DENND2C: variants seen among roughly 807,000 people sequenced by gnomAD.
DENND2C encodes the protein DENN domain containing 2C.
In DENND2C, 72 loss-of-function variants were observed where a neutral mutation model predicts 112.4. That is an observed-to-expected ratio of 0.64 (90% confidence interval 0.53 to 0.78). DENND2C has a LOEUF of 0.78. Ranked by LOEUF, DENND2C falls within the 30% of genes least tolerant of loss-of-function variation. The pLI is 0.00. For missense variants in DENND2C, 992 were observed against 1,113.8 expected (o/e 0.89, Z 1.56); for synonymous variants, 329 against 381.6 (o/e 0.86, Z 1.61).
At chr1:114,638,370 T>G (rs1454591364) in intron 3 of DENND2C, among the ~76,000 whole-genome samples, 1 of 152,160 alleles carries the variant, frequency 6.6e-6, no homozygotes, top group Non-Finnish European at 1.5e-5. Flanking sequence ...AAAAGATGTC[T>G]TAGGACACAA....
At chr1:114,647,423 C>T (rs1657025236) in intron 2 of DENND2C, among the ~76,000 whole-genome samples, 1 of 151,858 alleles carries the variant, frequency 6.6e-6, no homozygotes, top group South Asian at 2.1e-4. Context: ...TCTCGACTCC[C>T]TGCAACCTCT....
intron 3 of DENND2C, among the ~76,000 whole-genome samples, chr1:114,634,517 A>G (rs180687702): frequency 6.6e-6 from 1 of 152,230 alleles, no homozygotes; most frequent in African/African-American, 2.4e-5. Flanking sequence ...TGTGCATGAA[A>G]CATTCACCAA....
Position 114,593,097 on chromosome 1 carries a change from T to C in DENND2C, c.2431+1376A>G, listed in dbSNP as rs373728280. On this transcript the variant is annotated intron_variant, in intron 18 of 20. Transcript: ENST00000393274. ...ATCCTCCTGCCTTGGCCTCCCAAAG[T>C]GCTGGGATTACAGGTGTGAGCCACT... is the stretch of plus-strand genomic sequence containing the variant. Among the ~76,000 whole-genome samples, 62 of 152,236 alleles carry C rather than the reference T, an allele frequency of 4.1e-4. 3 individuals are homozygous for C. In the East Asian group the frequency reaches 9.9e-3, roughly 24 times the overall value.
chr1:114,653,116 C>CTT (rs368434521), intron 2 of DENND2C, among the ~76,000 whole-genome samples: 1 of 148,778 alleles, frequency 6.7e-6, no homozygotes, highest in Admixed American at 6.7e-5. Context: ...CACATTGGTA[C>CTT]TTTTTTTTTT....
intron 2 of DENND2C, among the ~76,000 whole-genome samples, chr1:114,646,476 T>C (rs985480305): frequency 3.3e-5 from 5 of 152,230 alleles, no homozygotes. Context: ...CAAAGGATTA[T>C]AATGATTCTA....
chr1:114,583,880 T>C lies in DENND2C; in HGVS notation c.*1720A>G, dbSNP rs1654972693. 1 of 148,160 alleles carries C rather than the reference T, an allele frequency of 6.7e-6. No individual in the cohort carries two copies. The highest frequency in any genetic ancestry group is 2.1e-4 in the South Asian group (1 of 4,660). The allele number at this position is 148,160 out of a possible 1,614,324, so 9.2% of individuals were successfully genotyped here. On this transcript the variant is annotated 3_prime_UTR_variant, in exon 21 of 21. Coordinates refer to ENST00000393274, the MANE Select transcript of DENND2C (RefSeq NM_001256404.2). ...CACACACAAAAAAAACACTGCACCA[T>C]CACTGAAAACTTTCTCTTTCCAATC...
chr1:114,619,485 A>G (rs1348726021), intron 7 of DENND2C, among the ~76,000 whole-genome samples: 1 of 152,138 alleles, frequency 6.6e-6, no homozygotes, highest in African/African-American at 2.4e-5. Context: ...TCGACAGGCA[A>G]TGAATCAGTC....
chr1:114,624,238 A>T (rs1210970001), intron 4 of DENND2C, among the ~76,000 whole-genome samples: 2 of 152,112 alleles, frequency 1.3e-5, no homozygotes, highest in Non-Finnish European at 1.5e-5. Context: ...GGCTGAGGCC[A>T]GCATGCCCTA....
chr1:114,633,697 AG>A (rs1656565140), intron 3 of DENND2C, among the ~76,000 whole-genome samples: 1 of 152,104 alleles, frequency 6.6e-6, no homozygotes, highest in Non-Finnish European at 1.5e-5. Context: ...GGGGAGTTGG[AG>A]GGGGAACCCT....
Position 114,600,349 on chromosome 1 carries a change from T to C in DENND2C, c.1960A>G (p.Ile654Val), listed in dbSNP as rs1333307456. 1.2e-6 allele frequency: 2 copies of C among 1,613,986 alleles called. No homozygotes were observed. The highest frequency in any genetic ancestry group is 1.1e-5 in the South Asian group (1 of 91,064). Residue 654 changes from isoleucine (I) to valine (V), a missense_variant, in exon 15 of 21, where the codon ATT (isoleucine) becomes GTT (valine). Transcript: ENST00000393274. ...GAATCTAGTGGTCGGCAGAGTTCAA[T>C]GGACTGAAATGCAAGAAGTTGAATC... ...SYLPGAGDES[I>V]ELCRPLDSRL... is the part of the protein sequence containing the mutation.
intron 4 of DENND2C, among the ~76,000 whole-genome samples, chr1:114,624,454 A>ATTTTTTC (rs1468373727): frequency 2.2e-4 from 27 of 124,558 alleles, no homozygotes; most frequent in African/African-American, 8.0e-4. Context: ...CACCTGGCTA[A>ATTTTTTC]TTTTTTCTTT....
At chr1:114,645,244 A>G (rs1656947738) in intron 3 of DENND2C, among the ~76,000 whole-genome samples, 1 of 152,204 alleles carries the variant, frequency 6.6e-6, no homozygotes, top group Non-Finnish European at 1.5e-5. Context: ...GCACCTCAGA[A>G]TATGACTGGA....
At chr1:114,608,529 A>C (rs566792510) in intron 10 of DENND2C, among the ~76,000 whole-genome samples, 157 bp downstream of exon 10, 19 of 152,236 alleles carry the variant, frequency 1.2e-4, no homozygotes, top group Non-Finnish European at 1.9e-4. Flanking sequence ...GTTGCAGCTC[A>C]TACCTAACAT....
At chr1:114,629,601 A>G (rs987421497) in intron 3 of DENND2C, among the ~76,000 whole-genome samples, 5 of 152,222 alleles carry the variant, frequency 3.3e-5, no homozygotes, top group African/African-American at 1.2e-4. Context: ...TAGAAGCATA[A>G]TCAAACAGCA....
chr1:114,597,255 C>A (rs1235914310), intron 16 of DENND2C, among the ~76,000 whole-genome samples: 1 of 151,550 alleles, frequency 6.6e-6, no homozygotes, highest in African/African-American at 2.4e-5. Context: ...ACCAGCCTGG[C>A]CAACATGGTG....
At chr1:114,633,053 T>A (rs1656539160) in intron 3 of DENND2C, among the ~76,000 whole-genome samples, 1 of 152,154 alleles carries the variant, frequency 6.6e-6, no homozygotes, top group Admixed American at 6.6e-5. Flanking sequence ...CTGTGAAATT[T>A]ACAACAATGT....
At chr1:114,650,545 G>A (rs1432927418) in intron 2 of DENND2C, among the ~76,000 whole-genome samples, 2 of 149,352 alleles carry the variant, frequency 1.3e-5, no homozygotes, top group Admixed American at 1.3e-4. Context: ...ATAGTGGCGG[G>A]CGCCTGTAGT....
At position 114,594,464 on chromosome 1, in the gene DENND2C, G is replaced by A. The variant is rs754725427; in HGVS notation, c.2431+9C>T. 1.2e-6 allele frequency: 2 copies of A among 1,609,380 alleles called. No individual in the cohort carries two copies. Among genetic ancestry groups the A allele is most frequent in the Non-Finnish European group, 1.7e-6 (2 of 1,175,868 alleles). On this transcript the variant is annotated intron_variant, in intron 18 of 20. Coordinates refer to ENST00000393274, the MANE Select transcript of DENND2C (RefSeq NM_001256404.2). ...TTAACCTTAAGTCCTTGGCTCACTT[G>A]TCTCATACCTTGTGAAAAATTCTGC...
chr1:114,600,929 A>G lies in DENND2C; in HGVS notation c.1847T>C (p.Met616Thr), dbSNP rs761078528. ...GAATGGGTAAACAAGGGCTGGAGAC[A>G]TTTCTCTTCTCTTCTCTACTTCATC... ...ILDEVEKRRE[M>T]SPALVYPFMR... Residue 616 changes from methionine to threonine, a missense_variant, in exon 14 of 21, where the codon ATG becomes ACG. Physicochemically the swap from Met to Thr is moderately conservative, Grantham distance 81 (BLOSUM62 -1). Coordinates refer to ENST00000393274, the MANE Select transcript of DENND2C (RefSeq NM_001256404.2). The G allele has an allele frequency of 5.0e-6, 8 of 1,613,772 alleles. No individual in the cohort carries two copies. The highest frequency in any genetic ancestry group is 1.7e-5 in the Admixed American group (1 of 59,994).
Sources: allele counts gnomAD v4.1 joint callset (sites outside exome capture counted in the v4.1 genomes callset), GRCh38; gene constraint gnomAD v4.1.1; transcripts MANE v1.5; gene names NCBI Gene and HGNC (gene_info 2026-07-23, HGNC 2026-07-21).